The following LRP1B variants were observed in gnomAD, a reference collection of about 807,000 sequenced individuals.
LRP1B encodes LDL receptor related protein 1B, also known as low-density lipoprotein receptor-related protein 1B.
Under a neutral mutation model 556.6 loss-of-function variants are expected in LRP1B, and 217 were observed. The observed-to-expected ratio is 0.39, with a 90% CI of 0.35 to 0.44. The LOEUF is 0.44. Among genes scored for constraint, LRP1B ranks in the 20% least tolerant of loss-of-function variants. LRP1B has a pLI of 1.00. For synonymous variants in LRP1B, 2,047 were observed against 1,865.8 expected, an observed-to-expected ratio of 1.10 and a Z score of -2.50; for missense variants, 5,053 against 5,620.8, an observed-to-expected ratio of 0.90 and a Z score of 3.23.
chr2:141,795,065 T>G (rs1322886356), intron 2 of LRP1B, among the ~76,000 whole-genome samples: 1 of 152,094 alleles, frequency 6.6e-6, no homozygotes, highest in Non-Finnish European at 1.5e-5. Context: ...CAAGAGATTA[T>G]TTTTTAGGTT....
intron 66 of LRP1B, among the ~76,000 whole-genome samples, chr2:140,427,806 G>C (rs529804611): frequency 6.7e-6 from 1 of 149,668 alleles, no homozygotes; most frequent in Non-Finnish European, 1.5e-5. Flanking sequence ...TCCCCTCCTC[G>C]CCAGGCCGAG....
intron 62 of LRP1B, among the ~76,000 whole-genome samples, chr2:140,455,840 A>T (rs756456617): frequency 2.0e-5 from 3 of 152,198 alleles, no homozygotes; most frequent in Non-Finnish European, 4.4e-5. Context: ...ATCCAACAAG[A>T]TAGTGGCTCA....
At chr2:141,965,626 T>C (rs1195232138) in intron 1 of LRP1B, among the ~76,000 whole-genome samples, 1 of 119,708 alleles carries the variant, frequency 8.4e-6, no homozygotes, top group Admixed American at 8.4e-5. Context: ...GGGATAGCAT[T>C]GGGAGATATA....
intron 7 of LRP1B, among the ~76,000 whole-genome samples, chr2:141,173,682 A>G (rs1382106771): frequency 1.3e-5 from 2 of 152,080 alleles, no homozygotes; most frequent in Non-Finnish European, 2.9e-5. Context: ...TCTTATGACC[A>G]TGAATTAAAA....
intron 32 of LRP1B, among the ~76,000 whole-genome samples, chr2:140,794,733 C>T (rs541760010): frequency 6.6e-6 from 1 of 151,978 alleles, no homozygotes; most frequent in Non-Finnish European, 1.5e-5. Context: ...CCTGCCTCAG[C>T]CTCCCAAGTA....
At position 141,585,106 on chromosome 2, in the gene LRP1B, G is replaced by A. The variant is rs555520380; in HGVS notation, c.206-104573C>T. ...AAAACTTGTGAAATTAGAGAAAAAC[G>A]GTCTTTTCTCTTTCCCTCGCACAAC... On this transcript the variant is annotated intron_variant, in intron 2 of 90. Transcript: ENST00000389484. 9.2e-4 allele frequency among the ~76,000 whole-genome samples: 140 copies of A among 152,054 alleles called. 2 individuals carry two copies. The highest frequency in any genetic ancestry group is 3.2e-3 in the African/African-American group (131 of 41,476).
chr2:141,351,209 T>C (rs1688431542), intron 3 of LRP1B, among the ~76,000 whole-genome samples: 1 of 152,068 alleles, frequency 6.6e-6, no homozygotes, highest in African/African-American at 2.4e-5. Context: ...ATCAACATTT[T>C]TCCATTCTAC....
At chr2:141,388,931 G>A (rs11886555) in intron 3 of LRP1B, among the ~76,000 whole-genome samples, 44,671 of 151,908 alleles carry the variant, frequency 0.29, 7,128 homozygotes, top group East Asian at 0.69. Context: ...CTAGGAATAA[G>A]TTTAGCCAAG....
intron 66 of LRP1B, among the ~76,000 whole-genome samples, chr2:140,415,481 T>C (rs1451240131): frequency 6.6e-6 from 1 of 152,176 alleles, no homozygotes; most frequent in Non-Finnish European, 1.5e-5. Flanking sequence ...CCTACCAATA[T>C]GGGATGTCAC....
At chr2:140,683,925 T>C (rs927955352) in intron 41 of LRP1B, 3 of 453,228 alleles carry the variant, frequency 6.6e-6, no homozygotes, top group Non-Finnish European at 1.2e-5. Context: ...CTTGCCCCCC[T>C]GGATGTTGTG....
At chr2:140,647,335 C>T (rs1402869544) in intron 41 of LRP1B, among the ~76,000 whole-genome samples, 1 of 152,128 alleles carries the variant, frequency 6.6e-6, no homozygotes, top group Non-Finnish European at 1.5e-5. Context: ...TGAACCATTG[C>T]ACTGCACTTC....
intron 31 of LRP1B, among the ~76,000 whole-genome samples, chr2:140,829,938 A>G (rs1691656944): frequency 6.6e-6 from 1 of 152,100 alleles, no homozygotes; most frequent in African/African-American, 2.4e-5. Flanking sequence ...AACAGCTGAT[A>G]CCACATAAAT....
At chr2:141,739,246 A>T (rs865889751) in intron 2 of LRP1B, among the ~76,000 whole-genome samples, 2 of 152,116 alleles carry the variant, frequency 1.3e-5, no homozygotes, top group African/African-American at 2.4e-5. Context: ...AATCAGATCA[A>T]TAATCTCCTG....
At chr2:140,370,927 T>C in intron 70 of LRP1B, 85 bp from the exon 71 acceptor site, 1 of 1,389,116 alleles carries the variant, frequency 7.2e-7, no homozygotes, top group Non-Finnish European at 1.0e-6. Flanking sequence ...CTTGTAATAC[T>C]AGAGCTTTAT....
intron 7 of LRP1B, among the ~76,000 whole-genome samples, chr2:141,117,279 G>A (rs990179327): frequency 2.7e-5 from 4 of 148,514 alleles, no homozygotes; most frequent in Non-Finnish European, 4.5e-5. Flanking sequence ...ATCATTTTAA[G>A]TGTGGTTGAG....
At chr2:141,911,084 A>T (rs1474457772) in intron 1 of LRP1B, among the ~76,000 whole-genome samples, 1 of 152,046 alleles carries the variant, frequency 6.6e-6, no homozygotes, top group Non-Finnish European at 1.5e-5. Context: ...TTTTGACTCA[A>T]AATACAGTTT....
chr2:141,669,432 G>A (rs536786814), intron 2 of LRP1B, among the ~76,000 whole-genome samples: 23 of 152,164 alleles, frequency 1.5e-4, no homozygotes, highest in African/African-American at 5.5e-4. Flanking sequence ...ATGGTGCTTT[G>A]TTATGGCTTC....
chr2:141,407,442 C>CT (rs1355247593), intron 3 of LRP1B, among the ~76,000 whole-genome samples: 6 of 152,086 alleles, frequency 3.9e-5, no homozygotes, highest in African/African-American at 1.4e-4. Flanking sequence ...CCTGCCAAAT[C>CT]TCAGATTGAA....
chr2:142,035,182 C>A (rs568551692), intron 1 of LRP1B, among the ~76,000 whole-genome samples: 8 of 151,654 alleles, frequency 5.3e-5, no homozygotes, highest in Admixed American at 2.6e-4. Flanking sequence ...ACATATTAGT[C>A]GCAAAGATGC....
Sources: gnomAD v4.1 joint callset for allele counts (sites outside exome capture counted in the v4.1 genomes callset) on GRCh38, gnomAD v4.1.1 for gene constraint, MANE v1.5 for transcripts, NCBI Gene and HGNC (gene_info 2026-07-23, HGNC 2026-07-21) for gene names.